PHACTR1: variants seen among roughly 807,000 people sequenced by gnomAD.
PHACTR1 encodes the protein RPEL repeat containing 1.
A neutral mutation model predicts 69.2 loss-of-function variants in PHACTR1; 16 were observed. The ratio of observed to expected loss-of-function variants is 0.23; its 90% CI spans 0.16 to 0.35. PHACTR1 has a LOEUF of 0.35. Ranked by LOEUF, PHACTR1 falls within the 10% of genes least tolerant of loss-of-function variation. PHACTR1 has a pLI of 1.00. For synonymous variants in PHACTR1, 312 were observed against 284.5 expected (o/e 1.10, Z -0.97); for missense variants, 510 against 734.7 (o/e 0.69, Z 3.54).
chr6:13,261,616 T>G (rs1048761840), intron 10 of PHACTR1, among the ~76,000 whole-genome samples: 2 of 152,190 alleles, frequency 1.3e-5, no homozygotes, highest in Non-Finnish European at 2.9e-5. Flanking sequence ...TATCCCTGGT[T>G]GTCTAAGTGA....
At chr6:12,737,388 T>C (rs1454145634) in intron 3 of PHACTR1, among the ~76,000 whole-genome samples, 3 of 114,026 alleles carry the variant, frequency 2.6e-5, no homozygotes, top group African/African-American at 1.1e-4. Context: ...ACAGAGGAGA[T>C]ATTGTTTTAT....
At chr6:12,833,623 T>G (rs2127732229) in intron 4 of PHACTR1, among the ~76,000 whole-genome samples, 1 of 152,282 alleles carries the variant, frequency 6.6e-6, no homozygotes, top group East Asian at 1.9e-4. Flanking sequence ...CCACGTTCAT[T>G]GTATTTGAAA....
intron 4 of PHACTR1, among the ~76,000 whole-genome samples, chr6:12,809,934 G>T (rs906046600): frequency 2.0e-5 from 3 of 152,164 alleles, no homozygotes; most frequent in African/African-American, 7.2e-5. Flanking sequence ...TGATATTAAA[G>T]TCTAAGGCCT....
At position 13,205,893 on chromosome 6, in the gene PHACTR1, G is replaced by A; in HGVS notation, c.743G>A (p.Cys248Tyr). The stretch of plus-strand genomic sequence containing the variant: ...CTACCTCCAAAGAAAGTCATGATCT[G>A]TATGCCCGTGGGGGGGCCAGACCTC... ...PPLPPKKVMI[C>Y]MPVGGPDLSL... Residue 248 changes from cysteine to tyrosine, a missense_variant, in exon 8 of 15, where the codon TGT (cysteine) becomes TAT (tyrosine). Transcript: ENST00000332995. The A allele has an allele frequency of 6.2e-7, 1 of 1,613,348 alleles. No individual in the cohort carries two copies. The highest frequency in any genetic ancestry group is 1.1e-5 in the South Asian group (1 of 91,058).
intron 4 of PHACTR1, among the ~76,000 whole-genome samples, chr6:12,994,172 A>G (rs1797137268): frequency 1.3e-5 from 2 of 152,216 alleles, no homozygotes; most frequent in Admixed American, 6.5e-5. Context: ...AGCCAAAGAT[A>G]GAATTAATAA....
Position 13,227,885 on chromosome 6 carries a change from C to G in PHACTR1, c.1056C>G (p.Thr352=). 3 of 1,614,000 alleles carry G rather than the reference C, an allele frequency of 1.9e-6. No individual in the cohort carries two copies. The highest frequency in any genetic ancestry group is 2.5e-6 in the Non-Finnish European group (3 of 1,179,896). The change falls in exon 9 of 15, where the codon ACC becomes ACG. Residue 352 remains threonine (T), a synonymous_variant. Coordinates refer to ENST00000332995, the MANE Select transcript of PHACTR1 (RefSeq NM_030948.6). ...SSGLHSGDGV[T]KAGPMGLPEI... Reference sequence around the variant, plus strand: ...GGTTGCACTCGGGTGATGGGGTCACCAAAGCAGGACCTATGGGCCTTCCAG... The same window carrying G: ...GGTTGCACTCGGGTGATGGGGTCACGAAAGCAGGACCTATGGGCCTTCCAG...
chr6:13,077,587 G>C (rs1404198303), intron 5 of PHACTR1, among the ~76,000 whole-genome samples: 1 of 152,240 alleles, frequency 6.6e-6, no homozygotes, highest in Non-Finnish European at 1.5e-5. Context: ...ATGGAAAGCA[G>C]TAACAGCTAC....
intron 4 of PHACTR1, among the ~76,000 whole-genome samples, chr6:12,857,277 C>G (rs1780477915): frequency 1.3e-5 from 2 of 152,100 alleles, no homozygotes; most frequent in African/African-American, 4.8e-5. Context: ...AAAATTTACA[C>G]TTAAAGTGAG....
chr6:13,225,500 G>A (rs772912019), intron 8 of PHACTR1, among the ~76,000 whole-genome samples: 8 of 152,130 alleles, frequency 5.3e-5, no homozygotes, highest in Non-Finnish European at 7.4e-5. Context: ...AAGGTCTCTC[G>A]CTGCCCATGT....
intron 4 of PHACTR1, among the ~76,000 whole-genome samples, chr6:13,030,045 G>A (rs1021855515): frequency 6.6e-6 from 1 of 152,252 alleles, no homozygotes; most frequent in Non-Finnish European, 1.5e-5. Context: ...GATTAAGTGA[G>A]ATAATGTGAA....
intron 4 of PHACTR1, among the ~76,000 whole-genome samples, chr6:12,790,506 C>T (rs1451257105): frequency 6.6e-6 from 1 of 152,212 alleles, no homozygotes; most frequent in Non-Finnish European, 1.5e-5. Context: ...ATTCCCAGCC[C>T]TCTTGCTTTC....
At chr6:13,238,147 C>T (rs1772284335) in intron 10 of PHACTR1, among the ~76,000 whole-genome samples, 1 of 152,184 alleles carries the variant, frequency 6.6e-6, no homozygotes, top group Admixed American at 6.6e-5. Flanking sequence ...GAAGTAGCGT[C>T]ACTGCTTTCT....
intron 4 of PHACTR1, among the ~76,000 whole-genome samples, chr6:12,925,661 A>G (rs148291081): frequency 6.6e-6 from 1 of 152,342 alleles, no homozygotes; most frequent in African/African-American, 2.4e-5. Flanking sequence ...TGGTGACTAA[A>G]TGCAATTCCA....
chr6:12,752,341 C>T (rs1337984347), intron 4 of PHACTR1, among the ~76,000 whole-genome samples: 1 of 152,174 alleles, frequency 6.6e-6, no homozygotes, highest in African/African-American at 2.4e-5. Context: ...TGCACACTCC[C>T]AATAAATTAC....
At chr6:13,166,580 A>G (rs1260295723) in intron 6 of PHACTR1, among the ~76,000 whole-genome samples, 3 of 152,164 alleles carry the variant, frequency 2.0e-5, no homozygotes, top group Non-Finnish European at 4.4e-5. Context: ...GATCCCCCTT[A>G]TTTATTCAGT....
chr6:13,000,203 G>A (rs996578548), intron 4 of PHACTR1, among the ~76,000 whole-genome samples: 2 of 152,174 alleles, frequency 1.3e-5, no homozygotes, highest in African/African-American at 4.8e-5. Flanking sequence ...GTGTTGTTGA[G>A]GAACTGTAAG....
intron 7 of PHACTR1, among the ~76,000 whole-genome samples, chr6:13,203,025 C>T (rs1765439188): frequency 6.6e-6 from 1 of 152,210 alleles, no homozygotes; most frequent in African/African-American, 2.4e-5. Flanking sequence ...TCTTATCAGG[C>T]CCCCTGAAAT....
At chr6:12,746,186 G>A (rs9395089) in intron 3 of PHACTR1, among the ~76,000 whole-genome samples, 33,688 of 152,090 alleles carry the variant, frequency 0.22, 4,429 homozygotes, top group East Asian at 0.61. Flanking sequence ...GACAAAGAAA[G>A]TAAATCACAG....
At chr6:13,215,531 A>G (rs1021698542) in intron 8 of PHACTR1, among the ~76,000 whole-genome samples, 3 of 152,214 alleles carry the variant, frequency 2.0e-5, no homozygotes, top group Non-Finnish European at 2.9e-5. Context: ...TTTGTTTTCC[A>G]GGTTTTTAGA....
Sources: allele counts gnomAD v4.1 joint callset (sites outside exome capture counted in the v4.1 genomes callset), GRCh38; gene constraint gnomAD v4.1.1; transcripts MANE v1.5; gene names NCBI Gene and HGNC (gene_info 2026-07-23, HGNC 2026-07-21).